ZFR2: variants seen among roughly 807,000 people sequenced by gnomAD.
ZFR2 encodes the protein zinc finger RNA binding protein 2, also known as zinc finger RNA-binding protein 2.
Under a neutral mutation model 105.7 loss-of-function variants are expected in ZFR2, and 104 were observed. The observed-to-expected ratio is 0.98, with a 90% CI of 0.84 to 1.16. The LOEUF (loss-of-function observed/expected upper bound fraction) is 1.16. ZFR2 is among the 50% of genes most tolerant of loss of function. The pLI is 0.00. For synonymous variants in ZFR2, 634 were observed against 597.7 expected (o/e 1.06, Z -0.89); for missense variants, 1,425 against 1,355.5 (o/e 1.05, Z -0.80).
At chr19:3,846,320 G>A (rs1281109252) in intron 1 of ZFR2, among the ~76,000 whole-genome samples, 1 of 152,188 alleles carries the variant, frequency 6.6e-6, no homozygotes, top group Non-Finnish European at 1.5e-5. Context: ...TGAATCCACA[G>A]AGGCAGAACC....
At chr19:3,862,102 CTG>C (rs1468720171) in intron 1 of ZFR2, among the ~76,000 whole-genome samples, 1 of 152,166 alleles carries the variant, frequency 6.6e-6, no homozygotes, top group Non-Finnish European at 1.5e-5. Context: ...GGTGAAAAGA[CTG>C]TTTTCCAGGG....
rs922842044 is a variant in ZFR2 at position 3,813,009 on chromosome 19, G to A, written c.2242+811C>T. ...GCAGGAGAATCGCTTGAACCCAGGC[G>A]GCGGAAGTTGCAGTGAGCTGAGATT... On this transcript the variant is annotated intron_variant, in intron 14 of 18. Coordinates refer to ENST00000262961, the MANE Select transcript of ZFR2 (RefSeq NM_015174.2). This position sits in a 1 kb window ranked among gnomAD's most constrained non-coding sequence, Gnocchi z 4.4. Among the ~76,000 whole-genome samples the A allele has an allele frequency of 6.6e-6, 1 of 152,172 alleles. No homozygotes were observed. Among genetic ancestry groups the A allele is most frequent in the Non-Finnish European group, 1.5e-5 (1 of 68,040 alleles).
In ZFR2 at chr19:3,805,900, T is replaced by C; in HGVS notation, c.*49A>G. 6.8e-7 allele frequency: 1 copy of C among 1,476,340 alleles called. No homozygotes were observed. The highest frequency in any genetic ancestry group is 1.3e-5 in the South Asian group (1 of 76,542). 91.5% of individuals were successfully genotyped at this position (1,476,340 alleles called of 1,614,324 possible). On this transcript the variant is annotated 3_prime_UTR_variant, in exon 19 of 19. Coordinates refer to ENST00000262961, the MANE Select transcript of ZFR2 (RefSeq NM_015174.2). ...GCAGCCATTGGTCGGCGCGCACACG[T>C]CCAGGAGTGCAGGGATGCAAAGGCC...
At chr19:3,809,033 C>A in intron 16 of ZFR2, 50 bp from the exon 17 acceptor site, 1 of 1,433,802 alleles carries the variant, frequency 7.0e-7, no homozygotes. Flanking sequence ...GCGGCAGCCC[C>A]TGCCTGCCCG....
At chr19:3,841,786 C>T (rs2038135422) in intron 1 of ZFR2, among the ~76,000 whole-genome samples, 1 of 151,812 alleles carries the variant, frequency 6.6e-6, no homozygotes, top group Admixed American at 6.6e-5. Context: ...GCCTGGGCCA[C>T]AGAGCTGGAC....
intron 3 of ZFR2, 112 bp downstream of exon 3, chr19:3,833,552 G>T: frequency 1.2e-6 from 1 of 842,702 alleles, no homozygotes; most frequent in Non-Finnish European, 1.8e-6. Context: ...CTCCAGCCTG[G>T]GCAACAGAGC....
intron 10 of ZFR2, among the ~76,000 whole-genome samples, chr19:3,820,851 G>A (rs140367326): frequency 0.1 from 4,991 of 48,510 alleles, 194 homozygotes; most frequent in East Asian, 0.15. Flanking sequence ...GGGACACCGG[G>A]GGTCGGGGGA....
chr19:3,809,843 C>T (rs946710098), intron 16 of ZFR2, among the ~76,000 whole-genome samples: 6 of 152,118 alleles, frequency 3.9e-5, no homozygotes, highest in African/African-American at 1.2e-4. Context: ...ACTCGGGAGG[C>T]TGAGGCAGGA....
rs778225271 is a variant in ZFR2 at position 3,827,460 on chromosome 19, C to T, written c.1035+11G>A. 31 of 1,527,364 alleles carry T rather than the reference C, an allele frequency of 2.0e-5. No individual in the cohort carries two copies. In the South Asian group the frequency reaches 3.3e-4, roughly 16 times the overall value. 94.6% of individuals were successfully genotyped at this position (1,527,364 alleles called of 1,614,324 possible). A position where few individuals can be genotyped will look rare whatever the true frequency, so the allele number is the denominator to read the frequency against. ...CCAGGGTGGCAGAGCCTGGGCCGGG[C>T]GGGGCCGTACCTTCTGGTGCTTGGA... On this transcript the variant is annotated intron_variant, in intron 6 of 18. Transcript: ENST00000262961.
intron 1 of ZFR2, among the ~76,000 whole-genome samples, chr19:3,839,873 C>T (rs762485547): frequency 7.2e-5 from 11 of 152,058 alleles, no homozygotes; most frequent in Non-Finnish European, 1.6e-4. Flanking sequence ...GTTTCAGAGA[C>T]GGGGCTCGCT....
At chr19:3,857,642 G>A (rs1186151588) in intron 1 of ZFR2, among the ~76,000 whole-genome samples, 1 of 148,370 alleles carries the variant, frequency 6.7e-6, no homozygotes, top group East Asian at 2.0e-4. Flanking sequence ...GTTGCTGTGA[G>A]CCGAGATTGC....
At position 3,852,061 on chromosome 19, in the gene ZFR2, C is replaced by T. The variant is rs546248487; in HGVS notation, c.53+16904G>A. 68 of 255,680 alleles carry T rather than the reference C, an allele frequency of 2.7e-4. 1 individual carries two copies. Among genetic ancestry groups the T allele is most frequent in the South Asian group, 9.5e-4 (21 of 22,126 alleles). 15.8% of individuals were successfully genotyped at this position (255,680 alleles called of 1,614,324 possible). On this transcript the variant is annotated intron_variant, in intron 1 of 18. Coordinates refer to ENST00000262961, the MANE Select transcript of ZFR2 (RefSeq NM_015174.2). ...CAGCTGGGCAGCTCTCCTGGCCAGG[C>T]GGGGCTCAGCTGGGTGCCTCTTCTG... is the stretch of plus-strand genomic sequence containing the variant.
At position 3,832,607 on chromosome 19, in the gene ZFR2, G is replaced by T. The variant is rs370061615; in HGVS notation, c.380-729C>A. On this transcript the variant is annotated intron_variant, in intron 3 of 18. Transcript: ENST00000262961. ...AGTGCTGGGATTACAGGCGTGAGCT[G>T]CTGCACCCGGCCTTTATTTTGTTTT... Among the ~76,000 whole-genome samples the T allele has an allele frequency of 2.5e-3, 377 of 150,386 alleles. 2 individuals carry two copies. Among genetic ancestry groups the T allele is most frequent in the African/African-American group, 9.0e-3 (367 of 40,988 alleles).
intron 13 of ZFR2, among the ~76,000 whole-genome samples, 152 bp downstream of exon 13, chr19:3,816,522 G>A (rs1163927680): frequency 1.6e-4 from 24 of 152,166 alleles, no homozygotes; most frequent in Admixed American, 8.5e-4. Context: ...CTGGGATTAC[G>A]GACGTGAGCC....
intron 1 of ZFR2, among the ~76,000 whole-genome samples, chr19:3,866,395 CGTGTATA>C: frequency 6.7e-6 from 1 of 150,232 alleles, no homozygotes; most frequent in East Asian, 2.0e-4. Flanking sequence ...CACCGGGTTG[CGTGTATA>C]CTGTATCACC....
chr19:3,861,389 G>A (rs1158559609), intron 1 of ZFR2, among the ~76,000 whole-genome samples: 1 of 152,166 alleles, frequency 6.6e-6, no homozygotes, highest in African/African-American at 2.4e-5. Context: ...CACTTTGGGA[G>A]GCCGAGGCAG....
At position 3,820,269 on chromosome 19, in the gene ZFR2, G is replaced by T. The variant is rs1354936179; in HGVS notation, c.1653C>A (p.Pro551=). Residue 551 remains proline (P), a synonymous_variant, in exon 11 of 19, where the codon CCC becomes CCA. Transcript: ENST00000262961. The part of the protein sequence containing the change: ...AERRRLEEEP[P]QDVPPHAPPD... ...GCGGCGCGTGGGGCGGCACGTCCTGGGGTGGCTCCTCCTCCAGCCGCCTGC... is the reference window on the plus strand; with the variant it reads ...GCGGCGCGTGGGGCGGCACGTCCTGTGGTGGCTCCTCCTCCAGCCGCCTGC... 6.5e-7 allele frequency: 1 copy of T among 1,546,588 alleles called. No homozygotes were observed. Among genetic ancestry groups the T allele is most frequent in the Non-Finnish European group, 8.7e-7 (1 of 1,146,228 alleles).
intron 1 of ZFR2, among the ~76,000 whole-genome samples, chr19:3,841,801 T>A (rs1414468686): frequency 6.6e-6 from 1 of 151,690 alleles, no homozygotes; most frequent in Admixed American, 6.6e-5. Context: ...CTGGACACTG[T>A]ATTGAGACAG....
Position 3,855,662 on chromosome 19 carries a change from G to A in ZFR2, c.53+13303C>T, listed in dbSNP as rs1054633932. The A allele has an allele frequency of 3.6e-5, 14 of 388,076 alleles. 1 individual carries two copies. In the South Asian group the frequency reaches 1.7e-3, roughly 48 times the overall value. The allele number at this position is 388,076 out of a possible 1,614,324, so 24.0% of individuals were successfully genotyped here. A position where few individuals can be genotyped will look rare whatever the true frequency, so the allele number is the denominator to read the frequency against. ...GACGCGGCAAGGGGGTGTGAGCAGGGGGTTGCACTTTCTCACGGGCTGGTC... is the reference window on the plus strand; with the variant it reads ...GACGCGGCAAGGGGGTGTGAGCAGGAGGTTGCACTTTCTCACGGGCTGGTC... On this transcript the variant is annotated intron_variant, in intron 1 of 18. Transcript: ENST00000262961.
Sources: allele counts gnomAD v4.1 joint callset (sites outside exome capture counted in the v4.1 genomes callset), GRCh38; gene constraint gnomAD v4.1.1; non-coding constraint Gnocchi (gnomAD v3.1); transcripts MANE v1.5; gene names NCBI Gene and HGNC (gene_info 2026-07-23, HGNC 2026-07-21).